Variants in TDRD7 observed in about 807,000 individuals in gnomAD.
TDRD7 encodes the protein tudor domain-containing protein 7.
In TDRD7, 47 loss-of-function variants were observed where a neutral mutation model predicts 109.8. The observed-to-expected ratio is 0.43, with a 90% CI of 0.34 to 0.55. The LOEUF (loss-of-function observed/expected upper bound fraction) is 0.55. Ranked by LOEUF, TDRD7 falls within the 20% of genes least tolerant of loss-of-function variation. TDRD7 has a pLI of 0.03. For missense variants in TDRD7, 1,164 were observed against 1,319.2 expected, an observed-to-expected ratio of 0.88 and a Z score of 1.82; for synonymous variants, 424 against 457.3, an observed-to-expected ratio of 0.93 and a Z score of 0.93.
chr9:97,440,318 C>T (rs908022674), intron 5 of TDRD7, among the ~76,000 whole-genome samples: 1 of 152,188 alleles, frequency 6.6e-6, no homozygotes, highest in Admixed American at 6.5e-5. Context: ...TCCATTACTA[C>T]TTTAATTTGT....
At chr9:97,490,138 T>C (rs897158433) in intron 16 of TDRD7, among the ~76,000 whole-genome samples, 1 of 152,190 alleles carries the variant, frequency 6.6e-6, no homozygotes, top group Admixed American at 6.5e-5. Flanking sequence ...AAAGTTTTAC[T>C]TTACCTTCAC....
chr9:97,456,225 A>T (rs915554131), intron 6 of TDRD7, among the ~76,000 whole-genome samples: 2 of 152,370 alleles, frequency 1.3e-5, no homozygotes, highest in South Asian at 2.1e-4. Flanking sequence ...GGAAGAATCA[A>T]TATCATGAAA....
chr9:97,467,110 A>T (rs927555552), intron 8 of TDRD7, among the ~76,000 whole-genome samples: 2 of 152,120 alleles, frequency 1.3e-5, no homozygotes, highest in Non-Finnish European at 2.9e-5. Context: ...GATAGGAGAT[A>T]ACTATCCCTA....
Position 97,470,695 on chromosome 9 carries a change from T to G in TDRD7, c.1741+26T>G, listed in dbSNP as rs555061959. On this transcript the variant is annotated intron_variant, in intron 9 of 16. Transcript: ENST00000355295. Reference sequence around the variant, plus strand: ...GTAAGAGGAACTTTTTAAAAAACTCTCTCCATTTCAATAGGCTATTACCAC... The same window carrying G: ...GTAAGAGGAACTTTTTAAAAAACTCGCTCCATTTCAATAGGCTATTACCAC... 7 of 1,567,238 alleles carry G rather than the reference T, an allele frequency of 4.5e-6. No individual in the cohort carries two copies. In the South Asian group the frequency reaches 7.8e-5, roughly 17 times the overall value.
chr9:97,463,600 G>A (rs767586123), intron 7 of TDRD7, among the ~76,000 whole-genome samples: 45 of 152,298 alleles, frequency 3.0e-4, no homozygotes, highest in Non-Finnish European at 5.3e-4. Flanking sequence ...GGTGCTGTTA[G>A]AGTATAGCCT....
chr9:97,473,822 A>G (rs1012711186), intron 11 of TDRD7, among the ~76,000 whole-genome samples, 196 bp downstream of exon 11: 1 of 152,222 alleles, frequency 6.6e-6, no homozygotes, highest in Admixed American at 6.5e-5. Context: ...TAGTTTCTGC[A>G]ATGTAAAACG....
intron 1 of TDRD7, among the ~76,000 whole-genome samples, chr9:97,414,583 T>C (rs1171085659): frequency 6.6e-6 from 1 of 152,238 alleles, no homozygotes; most frequent in Non-Finnish European, 1.5e-5. Context: ...CACTTTATTA[T>C]CTCAGGGTTT....
intron 6 of TDRD7, among the ~76,000 whole-genome samples, chr9:97,444,998 T>C (rs1828374946): frequency 6.6e-6 from 1 of 152,212 alleles, no homozygotes; most frequent in African/African-American, 2.4e-5. Flanking sequence ...CCTTAACCTT[T>C]TGGGTCTGTC....
Position 97,473,613 on chromosome 9 carries a change from A to C in TDRD7, c.2066A>C (p.Tyr689Ser), listed in dbSNP as rs749235316. 1 of 1,613,616 alleles carries C rather than the reference A, an allele frequency of 6.2e-7. No homozygotes were observed. Among genetic ancestry groups the C allele is most frequent in the Non-Finnish European group, 8.5e-7 (1 of 1,179,716 alleles). The change falls in exon 11 of 17, where the codon TAC becomes TCC. Residue 689 changes from tyrosine (Y) to serine (S), a missense_variant. Coordinates refer to ENST00000355295, the MANE Select transcript of TDRD7 (RefSeq NM_014290.3). Reference sequence around the variant, plus strand: ...GACCTTCTACGTAAGATAGAGGACTACTTCCATTGCAAGGTATAGCAGAAC... The same window carrying C: ...GACCTTCTACGTAAGATAGAGGACTCCTTCCATTGCAAGGTATAGCAGAAC... ...LSDLLRKIED[Y>S]FHCKHMTSEC...
intron 6 of TDRD7, among the ~76,000 whole-genome samples, chr9:97,451,091 C>T (rs775626787): frequency 6.6e-5 from 10 of 151,974 alleles, no homozygotes; most frequent in Non-Finnish European, 1.2e-4. Flanking sequence ...CTTAACCAAT[C>T]ATGCCTGCGG....
chr9:97,423,764 C>T lies in TDRD7; in HGVS notation c.-6-4696C>T, dbSNP rs577566384. 9.9e-5 allele frequency among the ~76,000 whole-genome samples: 15 copies of T among 152,104 alleles called. 1 individual carries two copies. Among genetic ancestry groups the T allele is most frequent in the African/African-American group, 3.6e-4 (15 of 41,498 alleles). ...TTTTGGAGGTAGCCTTTCTCTTTGA[C>T]CCTTGGTTATTTAGAAGTATCTTGT... On this transcript the variant is annotated intron_variant, in intron 1 of 16. Transcript: ENST00000355295.
rs111899950 is a variant in TDRD7 at position 97,462,313 on chromosome 9, G to A, written c.1442+1549G>A. ...GTCAAGGATGATTATGTCCAGGGTC[G>A]TCAGATTATTTAAATACCTTATCCC... On this transcript the variant is annotated intron_variant, in intron 7 of 16. Transcript: ENST00000355295. Among the ~76,000 whole-genome samples the A allele has an allele frequency of 8.3e-3, 1,262 of 152,290 alleles. 44 individuals carry two copies. In the East Asian group the frequency reaches 0.11, roughly 13 times the overall value.
At chr9:97,444,320 C>G (rs4567164) in intron 6 of TDRD7, among the ~76,000 whole-genome samples, 143,658 of 152,304 alleles carry the variant, frequency 0.94, 67,847 homozygotes, top group East Asian at 1. Context: ...TTTGCTTAGT[C>G]AAGTGGGATG....
chr9:97,429,033 A>G (rs1389909300), intron 2 of TDRD7, among the ~76,000 whole-genome samples: 1 of 152,184 alleles, frequency 6.6e-6, no homozygotes, highest in African/African-American at 2.4e-5. Flanking sequence ...TGACCTTGTG[A>G]TCACCAAATC....
chr9:97,442,360 A>G (rs533200178), intron 6 of TDRD7, among the ~76,000 whole-genome samples: 2 of 152,248 alleles, frequency 1.3e-5, no homozygotes, highest in East Asian at 3.9e-4. Context: ...AATAGTGTTT[A>G]TATTATAATT....
intron 1 of TDRD7, among the ~76,000 whole-genome samples, chr9:97,413,547 A>G (rs959990634): frequency 6.6e-6 from 1 of 152,222 alleles, no homozygotes; most frequent in Non-Finnish European, 1.5e-5. Context: ...TTTTGAGGGC[A>G]GGGACACAAA....
intron 16 of TDRD7, among the ~76,000 whole-genome samples, chr9:97,490,815 C>T (rs990546356): frequency 6.6e-6 from 1 of 151,238 alleles, no homozygotes; most frequent in African/African-American, 2.4e-5. Flanking sequence ...AGAGATCTTC[C>T]CTCAGCCAAG....
intron 11 of TDRD7, 93 bp downstream of exon 11, chr9:97,473,719 G>A: frequency 1.3e-6 from 2 of 1,544,844 alleles, no homozygotes; most frequent in Non-Finnish European, 1.8e-6. Context: ...AATTTTTTTT[G>A]TATGAACGAT....
At chr9:97,490,554 G>GC (rs111660513) in intron 16 of TDRD7, among the ~76,000 whole-genome samples, 24 of 144,536 alleles carry the variant, frequency 1.7e-4, no homozygotes, top group Non-Finnish European at 3.2e-4. Flanking sequence ...TTTGGTGGGG[G>GC]GGGGGGCATT....
Sources: allele counts gnomAD v4.1 joint callset (sites outside exome capture counted in the v4.1 genomes callset), GRCh38; gene constraint gnomAD v4.1.1; transcripts MANE v1.5; gene names NCBI Gene and HGNC (gene_info 2026-07-23, HGNC 2026-07-21).